Variants in ARHGAP10 observed in about 807,000 individuals in gnomAD.
ARHGAP10 encodes the protein rho GTPase-activating protein 10.
Under a neutral mutation model 108.6 loss-of-function variants are expected in ARHGAP10, and 87 were observed. The observed-to-expected ratio is 0.80, with a 90% CI of 0.67 to 0.96. The LOEUF (loss-of-function observed/expected upper bound fraction) is 0.96, where lower values mean the gene tolerates loss of function less well. ARHGAP10 is among the 40% of genes least tolerant of loss of function. The probability of loss-of-function intolerance (pLI) is 0.00; values close to 1 mark genes in which losing one functional copy is unlikely to be tolerated. For missense variants in ARHGAP10, 939 were observed against 954.5 expected, an observed-to-expected ratio of 0.98 and a Z score of 0.21; for synonymous variants, 347 against 341.1, an observed-to-expected ratio of 1.02 and a Z score of -0.19.
intron 1 of ARHGAP10, among the ~76,000 whole-genome samples, chr4:147,789,525 C>T (rs563219497): frequency 1.3e-5 from 2 of 152,208 alleles, no homozygotes; most frequent in Admixed American, 1.3e-4. Context: ...CTCCTGGCCT[C>T]GGCCTCCCAA....
At chr4:147,873,681 A>ACACACACACACACAC (rs1734934734) in intron 7 of ARHGAP10, among the ~76,000 whole-genome samples, 3 of 98,720 alleles carry the variant, frequency 3.0e-5, no homozygotes, top group South Asian at 4.6e-4. Flanking sequence ...CAAAAAACAA[A>ACACACACACACACAC]ACACACACAC....
chr4:147,789,617 C>G (rs1731039011), intron 1 of ARHGAP10, among the ~76,000 whole-genome samples: 1 of 152,176 alleles, frequency 6.6e-6, no homozygotes, highest in South Asian at 2.1e-4. Flanking sequence ...CTAACTAATG[C>G]AATATTCTGA....
chr4:148,037,428 CA>C (rs1409381554), intron 19 of ARHGAP10, among the ~76,000 whole-genome samples: 2 of 152,156 alleles, frequency 1.3e-5, no homozygotes, highest in Non-Finnish European at 2.9e-5. Context: ...TCCAATATGA[CA>C]GTCTGAGATG....
In ARHGAP10 at chr4:147,918,720, C is replaced by T. The variant is rs368647641; in HGVS notation, c.1228+5581C>T. ...GTAAGCCAGTTGGGGAAATTTAATT[C>T]ACTATCACTGGGAGTAGCCCAAGCT... is the stretch of plus-strand genomic sequence containing the variant. On this transcript the variant is annotated intron_variant, in intron 13 of 22. Coordinates refer to ENST00000336498, the MANE Select transcript of ARHGAP10 (RefSeq NM_024605.4). Among the ~76,000 whole-genome samples the T allele has an allele frequency of 4.6e-5, 7 of 152,310 alleles. No homozygotes were observed. The East Asian group carries it at 1.2e-3, about 25-fold the overall frequency.
chr4:147,839,812 C>A (rs1733338655), intron 3 of ARHGAP10, among the ~76,000 whole-genome samples: 1 of 152,154 alleles, frequency 6.6e-6, no homozygotes, highest in Non-Finnish European at 1.5e-5. Flanking sequence ...CATAACTTTC[C>A]TTTCCTTTTT....
chr4:148,044,230 T>C (rs1485870162), intron 19 of ARHGAP10, among the ~76,000 whole-genome samples: 6 of 152,158 alleles, frequency 3.9e-5, no homozygotes, highest in Admixed American at 6.5e-5. Flanking sequence ...GCAGTGTAAA[T>C]GATCTGCTCT....
At chr4:147,789,613 A>G (rs941686163) in intron 1 of ARHGAP10, among the ~76,000 whole-genome samples, 5 of 152,210 alleles carry the variant, frequency 3.3e-5, no homozygotes, top group Non-Finnish European at 7.3e-5. Flanking sequence ...ATTCCTAACT[A>G]ATGCAATATT....
chr4:147,991,639 TACAA>T (rs1225356386), intron 18 of ARHGAP10, among the ~76,000 whole-genome samples: 1 of 152,222 alleles, frequency 6.6e-6, no homozygotes, highest in East Asian at 1.9e-4. Flanking sequence ...CACAGTTTTG[TACAA>T]ACAGTTTGGG....
chr4:147,865,256 T>C lies in ARHGAP10; in HGVS notation c.597+300T>C, dbSNP rs539355518. 1.2e-3 allele frequency: 270 copies of C among 230,390 alleles called. 1 individual carries two copies. The highest frequency in any genetic ancestry group is 5.5e-3 in the African/African-American group (238 of 43,148). 14.3% of individuals were successfully genotyped at this position (230,390 alleles called of 1,614,324 possible). A position where few individuals can be genotyped will look rare whatever the true frequency, so the allele number is the denominator to read the frequency against. On this transcript the variant is annotated intron_variant, in intron 6 of 22. Coordinates refer to ENST00000336498, the MANE Select transcript of ARHGAP10 (RefSeq NM_024605.4). ...CCTATAGCTCTATCTTTTAAAAATT[T>C]CTCTGAAATAATTTATACTAGAATG...
intron 1 of ARHGAP10, among the ~76,000 whole-genome samples, chr4:147,747,163 T>A (rs887749174): frequency 1.3e-5 from 2 of 152,106 alleles, no homozygotes; most frequent in Non-Finnish European, 2.9e-5. Context: ...TCTTTTTTTT[T>A]TTTCCCCCAA....
intron 18 of ARHGAP10, among the ~76,000 whole-genome samples, chr4:147,977,734 G>A (rs896025611): frequency 6.6e-6 from 1 of 152,000 alleles, no homozygotes; most frequent in Non-Finnish European, 1.5e-5. Context: ...GTTGAAGTTG[G>A]AGCTTTGATC....
At chr4:148,025,593 TA>T (rs201428517) in intron 19 of ARHGAP10, among the ~76,000 whole-genome samples, 43 of 147,820 alleles carry the variant, frequency 2.9e-4, no homozygotes, top group Non-Finnish European at 2.6e-4. Context: ...TTACATATTC[TA>T]AAAAAAAAAG....
chr4:147,859,782 G>A (rs1734239808), intron 5 of ARHGAP10, among the ~76,000 whole-genome samples: 3 of 152,080 alleles, frequency 2.0e-5, no homozygotes, highest in Admixed American at 6.5e-5. Flanking sequence ...AGTGAGCTGG[G>A]GCTCCAGCAA....
At chr4:147,911,608 C>T (rs1402336809) in intron 12 of ARHGAP10, among the ~76,000 whole-genome samples, 53 of 149,614 alleles carry the variant, frequency 3.5e-4, no homozygotes, top group African/African-American at 1.2e-3. Context: ...GTGATCCGCC[C>T]ACCTTGGCCT....
chr4:148,046,102 G>T (rs1457116568), intron 19 of ARHGAP10, among the ~76,000 whole-genome samples: 1 of 152,218 alleles, frequency 6.6e-6, no homozygotes, highest in African/African-American at 2.4e-5. Context: ...TATGGTAGCT[G>T]GGAGGACTGT....
Position 148,044,112 on chromosome 4 carries a change from T to G in ARHGAP10, c.1868-2780T>G, listed in dbSNP as rs146427370. 3.4e-3 allele frequency among the ~76,000 whole-genome samples: 511 copies of G among 152,256 alleles called. 3 individuals carry two copies. Among genetic ancestry groups the G allele is most frequent in the African/African-American group, 0.012 (490 of 41,552 alleles). On this transcript the variant is annotated intron_variant, in intron 19 of 22. Coordinates refer to ENST00000336498, the MANE Select transcript of ARHGAP10 (RefSeq NM_024605.4). ...TGTTATTTTCACTTGAGGGTTCAAA[T>G]TGCCACTGTTTGGCAGGAAGGAAGA... is the stretch of plus-strand genomic sequence containing the variant.
chr4:148,055,743 T>C (rs1012480480), intron 20 of ARHGAP10, among the ~76,000 whole-genome samples: 1 of 152,200 alleles, frequency 6.6e-6, no homozygotes, highest in Admixed American at 6.5e-5. Flanking sequence ...TTACTGCTTT[T>C]ACGTGCTGGC....
chr4:148,002,396 A>G (rs188227135), intron 18 of ARHGAP10, among the ~76,000 whole-genome samples: 1 of 152,306 alleles, frequency 6.6e-6, no homozygotes, highest in Admixed American at 6.5e-5. Context: ...TCTCTCTGCC[A>G]GGCTTTGGTA....
At chr4:147,913,964 C>A (rs890631799) in intron 13 of ARHGAP10, among the ~76,000 whole-genome samples, 1 of 152,072 alleles carries the variant, frequency 6.6e-6, no homozygotes, top group East Asian at 1.9e-4. Flanking sequence ...ACCATCCTGG[C>A]GAACATGGTG....
Sources: allele counts gnomAD v4.1 joint callset (sites outside exome capture counted in the v4.1 genomes callset), GRCh38; gene constraint gnomAD v4.1.1; transcripts MANE v1.5; gene names NCBI Gene and HGNC (gene_info 2026-07-23, HGNC 2026-07-21).